The following TLN2 variants were observed in gnomAD, a reference collection of about 807,000 sequenced individuals.
TLN2 encodes talin 2, also known as talin-2.
Under a neutral mutation model 294.7 loss-of-function variants are expected in TLN2, and 118 were observed. The observed-to-expected ratio is 0.40, with a 90% CI of 0.34 to 0.47. The LOEUF (loss-of-function observed/expected upper bound fraction) is 0.47, where lower values mean the gene tolerates loss of function less well. Among genes scored for constraint, TLN2 ranks in the 20% least tolerant of loss-of-function variants. TLN2 has a pLI of 0.84. For missense variants in TLN2, 3,083 were observed against 3,282.2 expected (o/e 0.94, Z 1.48); for synonymous variants, 1,431 against 1,304.5 (o/e 1.10, Z -2.09).
At chr15:62,476,604 G>T (rs1316771470) in intron 1 of TLN2, among the ~76,000 whole-genome samples, 1 of 152,156 alleles carries the variant, frequency 6.6e-6, no homozygotes, top group African/African-American at 2.4e-5. Flanking sequence ...TGGTTTTGGG[G>T]CCTTCTGAAT....
chr15:62,439,469 C>T (rs1010302766), intron 1 of TLN2, among the ~76,000 whole-genome samples: 7 of 152,128 alleles, frequency 4.6e-5, no homozygotes, highest in Non-Finnish European at 8.8e-5. Context: ...CCCACCACCA[C>T]GCCCGGCTAA....
rs142081839 is a variant in TLN2, at chr15:62,835,962, C to T, written c.7263C>T (p.Ser2421=). 233 of 1,614,146 alleles carry T rather than the reference C, an allele frequency of 1.4e-4. No individual in the cohort carries two copies. Among genetic ancestry groups the T allele is most frequent in the African/African-American group, 1.3e-3 (99 of 75,056 alleles). Residue 2421 remains serine (S), a synonymous_variant, in exon 57 of 59, where the codon AGC becomes AGT. Transcript: ENST00000636159. ...ATGCCTCCGTTCAGGGACACGCCAGCGAGGAGAAGCTCATCTCATCTGCCA... is the reference window on the plus strand; with the variant it reads ...ATGCCTCCGTTCAGGGACACGCCAGTGAGGAGAAGCTCATCTCATCTGCCA... ...AANASVQGHA[S]EEKLISSAKQ...
chr15:62,727,828 G>A (rs1350656454), intron 28 of TLN2, among the ~76,000 whole-genome samples: 1 of 152,224 alleles, frequency 6.6e-6, no homozygotes, highest in African/African-American at 2.4e-5. Context: ...TTCAGTATGA[G>A]CACATTTCTT....
chr15:62,713,272 A>T (rs1232756033), intron 22 of TLN2, among the ~76,000 whole-genome samples: 1 of 6,672 alleles, frequency 1.5e-4, no homozygotes, highest in African/African-American at 1.7e-4. Context: ...CCTGCGTCTC[A>T]AAAAAAAAAA....
chr15:62,744,044 CA>C (rs1300337385), intron 32 of TLN2, among the ~76,000 whole-genome samples: 1 of 152,176 alleles, frequency 6.6e-6, no homozygotes, highest in Non-Finnish European at 1.5e-5. Flanking sequence ...GAAAGGTGTA[CA>C]AGAGACCTTT....
intron 44 of TLN2, among the ~76,000 whole-genome samples, chr15:62,781,474 T>G (rs940183563): frequency 6.6e-6 from 1 of 152,130 alleles, no homozygotes; most frequent in Non-Finnish European, 1.5e-5. Flanking sequence ...GAATTAAAGA[T>G]GGCTGAGACT....
chr15:62,547,049 C>T (rs1179546717), intron 1 of TLN2, among the ~76,000 whole-genome samples: 2 of 152,178 alleles, frequency 1.3e-5, no homozygotes, highest in African/African-American at 2.4e-5. Flanking sequence ...AACACTGAAT[C>T]TGGCCGTTTA....
chr15:62,482,951 T>C (rs2038190718), intron 1 of TLN2, among the ~76,000 whole-genome samples: 1 of 152,144 alleles, frequency 6.6e-6, no homozygotes, highest in South Asian at 2.1e-4. Flanking sequence ...TGACAGATGC[T>C]CAGGAGCGAC....
At chr15:62,539,493 T>C (rs1312108945) in intron 1 of TLN2, among the ~76,000 whole-genome samples, 16 of 152,244 alleles carry the variant, frequency 1.1e-4, no homozygotes, top group East Asian at 7.7e-4. Context: ...TAGAGGTCTA[T>C]AGGCAGACTA....
chr15:62,639,367 C>T (rs1361109616), intron 3 of TLN2, among the ~76,000 whole-genome samples: 3 of 152,182 alleles, frequency 2.0e-5, no homozygotes, highest in African/African-American at 7.2e-5. Context: ...AAGCCAGCAA[C>T]TTGGCTGGAA....
intron 3 of TLN2, chr15:62,640,460 C>G: frequency 7.1e-6 from 3 of 421,328 alleles, no homozygotes; most frequent in South Asian, 5.2e-5. Context: ...CTGGTCTTGC[C>G]AGGTGGGCAC....
intron 34 of TLN2, 45 bp from the exon 35 acceptor site, chr15:62,752,260 G>T: frequency 1.2e-6 from 2 of 1,607,490 alleles, no homozygotes; most frequent in Non-Finnish European, 1.7e-6. Context: ...CCCTTGGTTT[G>T]AGGCAATGCT....
At chr15:62,701,283 A>G in intron 17 of TLN2, 69 bp downstream of exon 17, 2 of 1,260,198 alleles carry the variant, frequency 1.6e-6, no homozygotes, top group Non-Finnish European at 1.1e-6. Context: ...TTTTAATTTT[A>G]AAAAATAAGT....
Position 62,439,304 on chromosome 15 carries a change from A to G in TLN2, c.-238+48619A>G, listed in dbSNP as rs1021559480. ...TTGATCCTGGGATACAGAACATTTG[A>G]CCTATCTGAGCCAGTTGTTTTTTTT... On this transcript the variant is annotated intron_variant, in intron 1 of 58. Coordinates refer to ENST00000636159, the MANE Select transcript of TLN2 (RefSeq NM_015059.3). 2.0e-5 allele frequency among the ~76,000 whole-genome samples: 3 copies of G among 151,944 alleles called. No homozygotes were observed. The East Asian group carries it at 5.8e-4, about 29-fold the overall frequency.
intron 1 of TLN2, among the ~76,000 whole-genome samples, chr15:62,477,481 A>G (rs2037836781): frequency 6.6e-6 from 1 of 152,154 alleles, no homozygotes; most frequent in Non-Finnish European, 1.5e-5. Flanking sequence ...GCCTGATTGA[A>G]CAGTAGGGGA....
At chr15:62,658,373 G>A (rs972295460) in intron 9 of TLN2, among the ~76,000 whole-genome samples, 1 of 152,086 alleles carries the variant, frequency 6.6e-6, no homozygotes, top group Non-Finnish European at 1.5e-5. Context: ...AGGCTTCTTT[G>A]GCCCTTGACC....
intron 1 of TLN2, among the ~76,000 whole-genome samples, chr15:62,463,496 C>A (rs1027709447): frequency 2.6e-5 from 4 of 152,074 alleles, no homozygotes; most frequent in Middle Eastern, 6.8e-3. Context: ...TTTGTTAATG[C>A]GATGTGAGTG....
At chr15:62,683,683 G>A (rs1186374923) in intron 11 of TLN2, among the ~76,000 whole-genome samples, 2 of 152,168 alleles carry the variant, frequency 1.3e-5, no homozygotes, top group Middle Eastern at 3.2e-3. Flanking sequence ...CTAGATGGCC[G>A]TCAAAAATCA....
chr15:62,839,058 C>T (rs2070233981), intron 58 of TLN2, 77 bp downstream of exon 58: 1 of 1,535,640 alleles, frequency 6.5e-7, no homozygotes, highest in African/African-American at 1.4e-5. Flanking sequence ...AGAATAGTGA[C>T]TTCAAGATGA....
Sources: gnomAD v4.1 joint callset for allele counts (sites outside exome capture counted in the v4.1 genomes callset) on GRCh38, gnomAD v4.1.1 for gene constraint, MANE v1.5 for transcripts, NCBI Gene and HGNC (gene_info 2026-07-23, HGNC 2026-07-21) for gene names.